The following NEB variants were observed in gnomAD, a reference collection of about 807,000 sequenced individuals.
NEB encodes nemaline myopathy type 2.
NEB carries 512 observed loss-of-function variants against 952.2 expected under a neutral mutation model. That is an observed-to-expected ratio of 0.54 (90% CI 0.50 to 0.58). The LOEUF (loss-of-function observed/expected upper bound fraction) is 0.58, where lower values mean the gene tolerates loss of function less well. Among genes scored for constraint, NEB ranks in the 20% least tolerant of loss-of-function variants. NEB has a pLI of 0.00. For synonymous variants in NEB, 2,900 were observed against 3,149.8 expected, an observed-to-expected ratio of 0.92 and a Z score of 2.66; for missense variants, 8,428 against 9,231.1, an observed-to-expected ratio of 0.91 and a Z score of 3.56.
chr2:151,563,982 A>T, intron 117 of NEB, 52 bp from the exon 118 acceptor site: 1 of 1,313,672 alleles, frequency 7.6e-7, no homozygotes, highest in Non-Finnish European at 1.1e-6. Context: ...CTTCTTTCAG[A>T]TACCACTAAA....
intron 1 of NEB, among the ~76,000 whole-genome samples, chr2:151,734,184 A>G (rs554325054): frequency 6.6e-6 from 1 of 152,308 alleles, no homozygotes; most frequent in African/African-American, 2.4e-5. Context: ...CAGTCAAGCA[A>G]TAAATTGGTT....
At position 151,549,663 on chromosome 2, in the gene NEB, G is replaced by C. The variant is rs1188035794; in HGVS notation, c.20022C>G (p.Ile6674Met). ...LPGDTPHFKHIKDTRYMSSYF... is the reference protein window; with the variant it reads ...LPGDTPHFKHMKDTRYMSSYF... ...AACTGCTCATGTAACGGGTGTCCTT[G>C]ATGTGTTTGAAGTGAGGAGTGTCAC... is the stretch of plus-strand genomic sequence containing the variant. The change falls in exon 130 of 182, where the codon ATC becomes ATG. Residue 6674 changes from isoleucine to methionine, a missense_variant. This residue lies in a region of NEB where 3,374 missense variants were observed against 3,651.5 expected (regional missense o/e 0.92). Coordinates refer to ENST00000397345, the MANE Select transcript of NEB (RefSeq NM_001164508.2). The C allele has an allele frequency of 1.9e-6, 3 of 1,600,598 alleles. No individual in the cohort carries two copies. Among genetic ancestry groups the C allele is most frequent in the Non-Finnish European group, 1.7e-6 (2 of 1,173,094 alleles).
Position 151,549,961 on chromosome 2 carries a change from A to G in NEB, c.19945-221T>C, listed in dbSNP as rs149374507. On this transcript the variant is annotated intron_variant, in intron 129 of 181. Transcript: ENST00000397345. ...TTTTGGAAAAATAGAACAATGAGTG[A>G]AATGGTTTATTGAAAGTAGTTCCTG... Among the ~76,000 whole-genome samples, 19 of 152,294 alleles carry G rather than the reference A, an allele frequency of 1.2e-4. No homozygotes were observed. In the East Asian group the frequency reaches 3.5e-3, roughly 28 times the overall value.
chr2:151,490,267 G>T, intron 180 of NEB, 105 bp downstream of exon 180: 1 of 1,394,586 alleles, frequency 7.2e-7, no homozygotes, highest in Non-Finnish European at 9.7e-7. Context: ...TAAAGGAAAG[G>T]ATGAAAAATT....
At position 151,514,201 on chromosome 2, in the gene NEB, A is replaced by G. The variant is rs1028753993; in HGVS notation, c.23127+117T>C. 9.9e-6 allele frequency: 7 copies of G among 710,118 alleles called. No individual in the cohort carries two copies. The African/African-American group carries it at 1.1e-4, about 11-fold the overall frequency. 44.0% of individuals were successfully genotyped at this position (710,118 alleles called of 1,614,324 possible). ...AATTATGTTGATATGGAATCTGAAA[A>G]TGAAAAGCTCTGTTTTTCTCTGTTC... On this transcript the variant is annotated intron_variant, in intron 159 of 181. Coordinates refer to ENST00000397345, the MANE Select transcript of NEB (RefSeq NM_001164508.2).
intron 56 of NEB, 46 bp from the exon 57 acceptor site, chr2:151,644,175 T>C: frequency 6.3e-7 from 1 of 1,594,222 alleles, no homozygotes; most frequent in East Asian, 2.2e-5. Flanking sequence ...TTTACTTCTG[T>C]TGCCATCTTT....
intron 13 of NEB, among the ~76,000 whole-genome samples, chr2:151,706,635 C>A (rs892378221): frequency 6.6e-6 from 1 of 152,186 alleles, no homozygotes; most frequent in East Asian, 1.9e-4. Flanking sequence ...GGCCCAGGTG[C>A]CCAGAGCTCC....
chr2:151,662,051 AT>A, intron 46 of NEB, 83 bp downstream of exon 46: 1 of 1,238,556 alleles, frequency 8.1e-7, no homozygotes, highest in East Asian at 2.5e-5. Flanking sequence ...CTATAACTGT[AT>A]TAGCAAAACC....
intron 145 of NEB, chr2:151,530,767 C>T: frequency 2.5e-6 from 1 of 394,368 alleles, no homozygotes; most frequent in Non-Finnish European, 4.5e-6. Context: ...ACCTGGATGT[C>T]CTGGCTTGAC....
intron 65 of NEB, among the ~76,000 whole-genome samples, chr2:151,632,938 G>C (rs2098698728): frequency 6.6e-6 from 1 of 152,212 alleles, no homozygotes; most frequent in Non-Finnish European, 1.5e-5. Context: ...ACAGGGTTCT[G>C]TATGTCAGAA....
intron 129 of NEB, among the ~76,000 whole-genome samples, chr2:151,551,209 T>C (rs1175618314): frequency 6.6e-6 from 1 of 152,114 alleles, no homozygotes; most frequent in Non-Finnish European, 1.5e-5. Flanking sequence ...CCTCAGGTGA[T>C]CTGCCCGCCT....
At chr2:151,498,192 A>G in intron 170 of NEB, 68 bp downstream of exon 170, 1 of 1,548,274 alleles carries the variant, frequency 6.5e-7, no homozygotes, top group Non-Finnish European at 8.7e-7. Context: ...AAACAAAAAT[A>G]AATAAATGTA....
In NEB at chr2:151,553,510, G is replaced by A. The variant is rs1381633722; in HGVS notation, c.19627-8C>T. 1 of 1,582,660 alleles carries A rather than the reference G, an allele frequency of 6.3e-7. No homozygotes were observed. ...GTCATCCTTGTATACAATCTAGAGGGTTTTGATAGAAAGGATCAGAAAAAA... is the reference window on the plus strand; with the variant it reads ...GTCATCCTTGTATACAATCTAGAGGATTTTGATAGAAAGGATCAGAAAAAA... On this transcript the variant is annotated splice_polypyrimidine_tract_variant and splice_region_variant and intron_variant, in intron 126 of 181. Coordinates refer to ENST00000397345, the MANE Select transcript of NEB (RefSeq NM_001164508.2).
chr2:151,707,546 C>A (rs113196091), intron 12 of NEB, among the ~76,000 whole-genome samples: 8 of 152,098 alleles, frequency 5.3e-5, no homozygotes, highest in African/African-American at 1.7e-4. Flanking sequence ...GGAGAAGGAG[C>A]CTTGCTTTTC....
intron 138 of NEB, among the ~76,000 whole-genome samples, chr2:151,538,524 T>C (rs1046583437): frequency 2.0e-5 from 3 of 152,140 alleles, no homozygotes; most frequent in Admixed American, 6.6e-5. Flanking sequence ...AACAGGAGGA[T>C]ATGGGTGTTC....
intron 37 of NEB, among the ~76,000 whole-genome samples, 174 bp downstream of exon 37, chr2:151,672,195 A>G (rs1457932772): frequency 6.6e-6 from 1 of 152,242 alleles, no homozygotes; most frequent in African/African-American, 2.4e-5. Context: ...ATATAAGCAC[A>G]GAAAGCAGGC....
rs1347058509 is a variant in NEB at position 151,678,102 on chromosome 2, T to C, written c.3341A>G (p.Tyr1114Cys). ...SLQDDPKLVH[Y>C]MNVAKIQSDR... ...TGATTGTATCTTGGCCACGTTCATA[T>C]AATGAACCAGTTTAGGGTCATCTTG... The change falls in exon 33 of 182, where the codon TAT (tyrosine) becomes TGT (cysteine). Residue 1114 changes from tyrosine (Y) to cysteine (C), a missense_variant. Physicochemically the swap from Tyr to Cys is radical, Grantham distance 194. Around this residue, in one of 11 missense-constraint regions of NEB, gnomAD observed 2,851 missense variants for 2,791.5 expected, o/e 1.02. Transcript: ENST00000397345. 1.2e-6 allele frequency: 2 copies of C among 1,612,866 alleles called. No homozygotes were observed. Among genetic ancestry groups the C allele is most frequent in the Non-Finnish European group, 1.7e-6 (2 of 1,178,826 alleles).
rs764635440 is a variant in NEB, at chr2:151,656,304, G to A, written c.6344C>T (p.Thr2115Ile). The change falls in exon 49 of 182, where the codon ACC (threonine) becomes ATC (isoleucine). Residue 2115 changes from threonine to isoleucine, a missense_variant. By Grantham distance (89) the Thr-to-Ile change is moderately conservative (BLOSUM62 -1). Transcript: ENST00000397345. ...CGTGACACTGAGCATGTCGGCAGGG[G>A]TGTGGTAGCTGGTCTTTGTGTTCTC... ...NYENTKTSYHTPADMLSVTAA... is the reference protein window; with the variant it reads ...NYENTKTSYHIPADMLSVTAA... 1 of 1,613,732 alleles carries A rather than the reference G, an allele frequency of 6.2e-7. No individual in the cohort carries two copies. Among genetic ancestry groups the A allele is most frequent in the Admixed American group, 1.7e-5 (1 of 59,990 alleles).
intron 49 of NEB, 53 bp downstream of exon 49, chr2:151,656,100 C>A: frequency 6.3e-7 from 1 of 1,578,634 alleles, no homozygotes. Flanking sequence ...AGACTGTGAT[C>A]TCCCTTCCCA....
Sources: allele counts gnomAD v4.1 joint callset (sites outside exome capture counted in the v4.1 genomes callset), GRCh38; gene constraint gnomAD v4.1.1; regional missense constraint gnomAD v4.1.1; transcripts MANE v1.5; gene names NCBI Gene and HGNC (gene_info 2026-07-23, HGNC 2026-07-21).